The following INSR variants were observed in gnomAD, a reference collection of about 807,000 sequenced individuals.
INSR encodes IR.
Under a neutral mutation model 142.6 loss-of-function variants are expected in INSR, and 67 were observed. The observed-to-expected ratio is 0.47, with a 90% confidence interval of 0.39 to 0.58. INSR has a LOEUF of 0.58. Among genes scored for constraint, INSR ranks in the 20% least tolerant of loss-of-function variants. The pLI is 0.00. For missense variants in INSR, 1,248 were observed against 1,833.2 expected, an observed-to-expected ratio of 0.68 and a Z score of 5.83; for synonymous variants, 756 against 743.1, an observed-to-expected ratio of 1.02 and a Z score of -0.28.
At chr19:7,269,665 C>T (rs931836808) in intron 1 of INSR, among the ~76,000 whole-genome samples, 2 of 145,320 alleles carry the variant, frequency 1.4e-5, no homozygotes, top group African/African-American at 5.0e-5. Flanking sequence ...GCTTCCACAT[C>T]CAGAGATGTC....
intron 9 of INSR, among the ~76,000 whole-genome samples, chr19:7,153,363 C>CAT (rs1555741036): frequency 1.3e-5 from 1 of 78,564 alleles, no homozygotes; most frequent in Non-Finnish European, 2.1e-5. Context: ...ACACACCACA[C>CAT]ACCCCACACA....
chr19:7,200,072 G>C (rs1255981863), intron 2 of INSR, among the ~76,000 whole-genome samples: 1 of 152,090 alleles, frequency 6.6e-6, no homozygotes, highest in African/African-American at 2.4e-5. Context: ...CAAAGTACAG[G>C]ATGAGAGGAA....
rs775023698 is a variant in INSR at position 7,125,523 on chromosome 19, A to T, written c.3018T>A (p.Phe1006Leu). Residue 1006 changes from phenylalanine (F) to leucine (L), a missense_variant, in exon 17 of 22, where the codon TTT (phenylalanine) becomes TTA (leucine). By Grantham distance (22) the Phe-to-Leu change is conservative (BLOSUM62 0). Transcript: ENST00000302850. This position sits in a 1 kb window ranked among gnomAD's most constrained non-coding sequence, Gnocchi z 4.9. ...CGTCCGGCACGTACACAGAGCATGG[A>T]AACACTACTTCTTACTTATCTACAC... ...NPEYLSASDV[F>L]PCSVYVPDEW... 1 of 1,613,318 alleles carries T rather than the reference A, an allele frequency of 6.2e-7. No homozygotes were observed. The highest frequency in any genetic ancestry group is 2.2e-5 in the East Asian group (1 of 44,842).
At chr19:7,172,641 G>C (rs1269880366) in intron 4 of INSR, among the ~76,000 whole-genome samples, 1 of 152,152 alleles carries the variant, frequency 6.6e-6, no homozygotes, top group Non-Finnish European at 1.5e-5. Flanking sequence ...GGCACTGGCT[G>C]CGTCTGTTGC....
At chr19:7,162,690 C>T (rs1189171235) in intron 9 of INSR, among the ~76,000 whole-genome samples, 1 of 151,324 alleles carries the variant, frequency 6.6e-6, no homozygotes, top group Non-Finnish European at 1.5e-5. Flanking sequence ...CGTGGTGGCG[C>T]GTGCCTGTAA....
At chr19:7,161,678 T>C (rs554645970) in intron 9 of INSR, among the ~76,000 whole-genome samples, 1 of 152,248 alleles carries the variant, frequency 6.6e-6, no homozygotes, top group East Asian at 1.9e-4. Context: ...CCATTAGTTG[T>C]GTTTCTAGCT....
At position 7,128,836 on chromosome 19, in the gene INSR, A is replaced by T; in HGVS notation, c.2945+16T>A. On this transcript the variant is annotated intron_variant, in intron 15 of 21. Coordinates refer to ENST00000302850, the MANE Select transcript of INSR (RefSeq NM_000208.4). The stretch of plus-strand genomic sequence containing the variant: ...ACCAACTGTTCCCAGCACACCACTG[A>T]ACTCACTGAACTCACCTCTTTCTCA... 1 of 1,550,572 alleles carries T rather than the reference A, an allele frequency of 6.4e-7. No individual in the cohort carries two copies. Among genetic ancestry groups the T allele is most frequent in the Non-Finnish European group, 8.9e-7 (1 of 1,122,272 alleles).
In INSR at chr19:7,136,555, T is replaced by G. The variant is rs548407810; in HGVS notation, c.2683-4238A>C. Among the ~76,000 whole-genome samples the G allele has an allele frequency of 3.3e-5, 5 of 152,114 alleles. No individual in the cohort carries two copies. The East Asian group carries it at 9.7e-4, about 29-fold the overall frequency. ...TTGACTGGCCCGTGTCTCCTGTTCCTGGGACCCAAGGGTCACTATTAGGAA... is the reference window on the plus strand; with the variant it reads ...TTGACTGGCCCGTGTCTCCTGTTCCGGGGACCCAAGGGTCACTATTAGGAA... On this transcript the variant is annotated intron_variant, in intron 13 of 21. Transcript: ENST00000302850.
At position 7,170,713 on chromosome 19, in the gene INSR, C is replaced by T; in HGVS notation, c.1307G>A (p.Arg436Lys). Reference sequence around the variant, plus strand: ...GTGTTTGCTCCAGTCCCAGAGCTGCCTTAGGTTCTGGTTGTCCAAGGCATA... The same window carrying T: ...GTGTTTGCTCCAGTCCCAGAGCTGCTTTAGGTTCTGGTTGTCCAAGGCATA... Reference protein sequence around the residue: ...SFYALDNQNLRQLWDWSKHNL... With the variant: ...SFYALDNQNLKQLWDWSKHNL... Residue 436 changes from arginine to lysine, a missense_variant, in exon 6 of 22, where the codon AGG (arginine) becomes AAG (lysine). By Grantham distance (26) the Arg-to-Lys change is conservative. Coordinates refer to ENST00000302850, the MANE Select transcript of INSR (RefSeq NM_000208.4). 1 of 1,613,976 alleles carries T rather than the reference C, an allele frequency of 6.2e-7. No homozygotes were observed. The highest frequency in any genetic ancestry group is 8.5e-7 in the Non-Finnish European group (1 of 1,179,996).
chr19:7,194,327 G>A (rs1024982070), intron 2 of INSR, among the ~76,000 whole-genome samples: 1 of 151,822 alleles, frequency 6.6e-6, no homozygotes, highest in East Asian at 1.9e-4. Flanking sequence ...TGAGGCAGGA[G>A]AATTGCTTGA....
chr19:7,234,564 A>G (rs10420008), intron 2 of INSR, among the ~76,000 whole-genome samples: 38,860 of 152,016 alleles, frequency 0.26, 5,503 homozygotes, highest in East Asian at 0.6. Context: ...ACACTACGCC[A>G]TTTTATGTCA....
intron 2 of INSR, among the ~76,000 whole-genome samples, chr19:7,258,027 T>C (rs979358364): frequency 1.3e-5 from 2 of 152,184 alleles, no homozygotes; most frequent in Non-Finnish European, 2.9e-5. Flanking sequence ...GGTTTCTCCA[T>C]GTTGGCCAGG....
Position 7,170,553 on chromosome 19 carries a change from A to G in INSR, c.1467T>C (p.Asn489=), listed in dbSNP as rs1973993810. 1.2e-6 allele frequency: 2 copies of G among 1,612,768 alleles called. No homozygotes were observed. The highest frequency in any genetic ancestry group is 2.2e-5 in the East Asian group (1 of 44,864). Residue 489 remains asparagine, a synonymous_variant, in exon 6 of 22, where the codon AAT becomes AAC. Coordinates refer to ENST00000302850, the MANE Select transcript of INSR (RefSeq NM_000208.4). ...GTGACTTACAGGATGCCTGGTCCCC[A>G]TTGGTCTTCAGGGCAATGTCGTTTC... is the stretch of plus-strand genomic sequence containing the variant. ...QERNDIALKT[N]GDQASCENEL...
At chr19:7,203,207 A>G (rs1462847138) in intron 2 of INSR, among the ~76,000 whole-genome samples, 2 of 152,006 alleles carry the variant, frequency 1.3e-5, no homozygotes, top group African/African-American at 4.8e-5. Context: ...TTCTCCTTGC[A>G]TTTCCAACAA....
At position 7,293,095 on chromosome 19, in the gene INSR, A is replaced by G. The variant is rs1404907317; in HGVS notation, c.100+697T>C. On this transcript the variant is annotated intron_variant, in intron 1 of 21. Transcript: ENST00000302850. ...CGGGGGCCACTGTGACAGTCCAGAG[A>G]GATAAGATAGACTAGGCTGTGGCGT... Among the ~76,000 whole-genome samples, 4 of 152,222 alleles carry G rather than the reference A, an allele frequency of 2.6e-5. No individual in the cohort carries two copies. The East Asian group carries it at 7.7e-4, about 29-fold the overall frequency.
chr19:7,154,584 G>C (rs952930459), intron 9 of INSR, among the ~76,000 whole-genome samples: 1 of 150,950 alleles, frequency 6.6e-6, no homozygotes, highest in East Asian at 2.0e-4. Context: ...TTACAGGCGT[G>C]AGCCACTGCA....
intron 2 of INSR, among the ~76,000 whole-genome samples, chr19:7,246,100 G>C (rs1424562730): frequency 6.6e-6 from 1 of 152,022 alleles, no homozygotes; most frequent in Non-Finnish European, 1.5e-5. Context: ...TAAAATAAGA[G>C]GTTTTTAAAA....
chr19:7,205,396 T>C (rs1473667874), intron 2 of INSR, among the ~76,000 whole-genome samples: 1 of 152,220 alleles, frequency 6.6e-6, no homozygotes, highest in Non-Finnish European at 1.5e-5. Context: ...TTTCTTGCAT[T>C]GAGAAACCAG....
At chr19:7,131,844 C>A (rs1282373523) in intron 14 of INSR, among the ~76,000 whole-genome samples, 1 of 151,216 alleles carries the variant, frequency 6.6e-6, no homozygotes, top group African/African-American at 2.4e-5. Flanking sequence ...ACTAAAAATA[C>A]AAGAATTAGC....
Sources: gnomAD v4.1 joint callset for allele counts (sites outside exome capture counted in the v4.1 genomes callset) on GRCh38, gnomAD v4.1.1 for gene constraint, Gnocchi (gnomAD v3.1) non-coding constraint, MANE v1.5 for transcripts, NCBI Gene and HGNC (gene_info 2026-07-23, HGNC 2026-07-21) for gene names.